Variants in ACACA observed in about 807,000 individuals in gnomAD.
The protein encoded by ACACA is acetyl-CoA carboxylase 1.
ACACA carries 103 observed loss-of-function variants against 296.1 expected under a neutral mutation model. The observed-to-expected ratio is 0.35, with a 90% CI of 0.30 to 0.41. The LOEUF (loss-of-function observed/expected upper bound fraction) is 0.41. ACACA is among the 10% of genes least tolerant of loss of function. ACACA has a pLI of 1.00. For missense variants in ACACA, 1,554 were observed against 2,989.7 expected, an observed-to-expected ratio of 0.52 and a Z score of 11.20; for synonymous variants, 953 against 1,038.6, an observed-to-expected ratio of 0.92 and a Z score of 1.58.
At chr17:37,233,913 A>G (rs954859157) in intron 25 of ACACA, among the ~76,000 whole-genome samples, 1 of 152,164 alleles carries the variant, frequency 6.6e-6, no homozygotes, top group African/African-American at 2.4e-5. Context: ...TCTCCCTATA[A>G]TTACATATTT....
rs116491824 is a variant in ACACA, at chr17:37,244,495, C to T, written c.2742+93G>A. The T allele has an allele frequency of 3.3e-3, 5,006 of 1,502,930 alleles. 145 individuals are homozygous for T. The African/African-American group carries it at 0.061, about 18-fold the overall frequency. 93.1% of individuals were successfully genotyped at this position (1,502,930 alleles called of 1,614,324 possible). On this transcript the variant is annotated intron_variant, in intron 21 of 55. Coordinates refer to ENST00000616317, the MANE Select transcript of ACACA (RefSeq NM_198834.3). ...TTCTAGGCCAAACAGCTTTCTTTTCCTCCCTCTTAAACAATCATTATGAGA... is the reference window on the plus strand; with the variant it reads ...TTCTAGGCCAAACAGCTTTCTTTTCTTCCCTCTTAAACAATCATTATGAGA...
intron 52 of ACACA, among the ~76,000 whole-genome samples, chr17:37,101,157 G>A (rs2142831368): frequency 6.6e-6 from 1 of 151,836 alleles, no homozygotes; most frequent in South Asian, 2.1e-4. Flanking sequence ...ATGCATATGT[G>A]TGTGGAGCAA....
rs1470452 is a variant in ACACA at position 37,121,440 on chromosome 17, C to G, written c.6189G>C (p.Thr2063=). The part of the protein sequence containing the change: ...QVWFPDSAFK[T]YQAIKDFNRE... ...GGTTGAAGTCCTTGATGGCCTGATA[C>G]GTCTTAAACGCAGAATCTGGGAACC... is the stretch of plus-strand genomic sequence containing the variant. The change falls in exon 50 of 56, where the codon ACG becomes ACC. Residue 2063 remains threonine (T), a synonymous_variant. Coordinates refer to ENST00000616317, the MANE Select transcript of ACACA (RefSeq NM_198834.3). 18 of 1,614,012 alleles carry G rather than the reference C, an allele frequency of 1.1e-5. No individual in the cohort carries two copies. The East Asian group carries it at 1.3e-4, about 12-fold the overall frequency.
intron 42 of ACACA, among the ~76,000 whole-genome samples, chr17:37,156,184 C>T (rs1477803061): frequency 1.3e-5 from 2 of 151,690 alleles, no homozygotes; most frequent in Non-Finnish European, 2.9e-5. Context: ...CTGCCTCAGC[C>T]TCCCAAGTAG....
chr17:37,317,467 G>GAGAATCGCTTAGT (rs968404303), intron 3 of ACACA, among the ~76,000 whole-genome samples: 54 of 151,920 alleles, frequency 3.6e-4, no homozygotes, highest in African/African-American at 1.2e-3. Flanking sequence ...TTAGTAGGCT[G>GAGAATCGCTTAGT]AGGCACGAGA....
chr17:37,331,471 C>T (rs760063010), intron 2 of ACACA, among the ~76,000 whole-genome samples: 6 of 151,364 alleles, frequency 4.0e-5, no homozygotes, highest in Non-Finnish European at 7.4e-5. Flanking sequence ...TGCAATGGCA[C>T]GATCTCAGCT....
Position 37,284,824 on chromosome 17 carries a change from A to T in ACACA, c.471+14T>A. 1 of 1,614,154 alleles carries T rather than the reference A, an allele frequency of 6.2e-7. No individual in the cohort carries two copies. The highest frequency in any genetic ancestry group is 2.2e-5 in the East Asian group (1 of 44,880). On this transcript the variant is annotated intron_variant, in intron 4 of 55. Coordinates refer to ENST00000616317, the MANE Select transcript of ACACA (RefSeq NM_198834.3). Reference sequence around the variant, plus strand: ...AGTGCTTTTGACAAAATAATTCAGCAAGTTACAACTTACCTTCTCAATCAC... The same window carrying T: ...AGTGCTTTTGACAAAATAATTCAGCTAGTTACAACTTACCTTCTCAATCAC...
At chr17:37,342,436 A>AATATATATATATAT (rs1295176626) in intron 1 of ACACA, among the ~76,000 whole-genome samples, 19 of 58,214 alleles carry the variant, frequency 3.3e-4, no homozygotes, top group East Asian at 8.3e-4. Context: ...AAAAAAAAAA[A>AATATATATATATAT]ATATATATAT....
At chr17:37,107,646 C>T (rs560066281) in intron 52 of ACACA, among the ~76,000 whole-genome samples, 22 of 152,348 alleles carry the variant, frequency 1.4e-4, no homozygotes, top group East Asian at 9.6e-4. Context: ...GGGCGCAGTG[C>T]GGTGCTGCAT....
At chr17:37,397,323 G>A (rs2051114997) in intron 1 of ACACA, among the ~76,000 whole-genome samples, 1 of 151,868 alleles carries the variant, frequency 6.6e-6, no homozygotes, top group Non-Finnish European at 1.5e-5. Context: ...TCTTCTGCTT[G>A]AAGCCCAGTA....
intron 1 of ACACA, among the ~76,000 whole-genome samples, chr17:37,368,052 G>A (rs187687758): frequency 6.6e-6 from 1 of 152,168 alleles, no homozygotes; most frequent in East Asian, 1.9e-4. Context: ...GGGCAAGACA[G>A]AGTGAGACTC....
At chr17:37,226,226 T>G (rs542133416) in intron 26 of ACACA, 113 bp downstream of exon 26, 8 of 854,958 alleles carry the variant, frequency 9.4e-6, no homozygotes, top group South Asian at 6.6e-5. Flanking sequence ...GTGACACATA[T>G]ATAGAAAATA....
chr17:37,130,582 T>TA (rs1161907520), intron 45 of ACACA, among the ~76,000 whole-genome samples: 1 of 150,906 alleles, frequency 6.6e-6, no homozygotes, highest in Non-Finnish European at 1.5e-5. Context: ...AAAAATAAAA[T>TA]AAAAAATTAA....
chr17:37,142,011 TG>T (rs1309022193), intron 45 of ACACA, among the ~76,000 whole-genome samples: 3 of 140,070 alleles, frequency 2.1e-5, no homozygotes, highest in South Asian at 2.4e-4. Flanking sequence ...TGTTTTTTTT[TG>T]TTTTTTTTTT....
In ACACA at chr17:37,406,471, G is replaced by A. The variant is rs941517267; in HGVS notation, c.-172C>T. On this transcript the variant is annotated 5_prime_UTR_variant, in exon 1 of 56. Transcript: ENST00000616317. ...AGCCCTTCGGGGCCCGGACTGGAGA[G>A]GCGCCACGGCTCGCCGTCCCTGGGC... The A allele has an allele frequency of 3.1e-5, 21 of 667,040 alleles. No homozygotes were observed. The highest frequency in any genetic ancestry group is 4.9e-5 in the Non-Finnish European group (20 of 408,484). 41.3% of individuals were successfully genotyped at this position (667,040 alleles called of 1,614,324 possible).
At chr17:37,399,799 TG>T (rs1446804021) in intron 1 of ACACA, among the ~76,000 whole-genome samples, 1 of 152,214 alleles carries the variant, frequency 6.6e-6, no homozygotes, top group Non-Finnish European at 1.5e-5. Flanking sequence ...TGTTAAATAA[TG>T]AGAGTCAGTT....
At chr17:37,193,288 A>C in intron 36 of ACACA, 86 bp downstream of exon 36, 1 of 1,010,852 alleles carries the variant, frequency 9.9e-7, no homozygotes, top group South Asian at 1.4e-5. Context: ...GAATGGCAAG[A>C]AGAACGTATG....
chr17:37,121,892 A>G (rs1276697062), intron 49 of ACACA, among the ~76,000 whole-genome samples: 3 of 152,188 alleles, frequency 2.0e-5, no homozygotes, highest in Admixed American at 2.0e-4. Context: ...CAAATAGACA[A>G]TTGACGTCAC....
chr17:37,350,656 A>G (rs2048856987), intron 1 of ACACA, among the ~76,000 whole-genome samples: 1 of 152,174 alleles, frequency 6.6e-6, no homozygotes, highest in Admixed American at 6.6e-5. Context: ...CCTGACCAAC[A>G]TGGAGAAACC....
Sources: allele counts gnomAD v4.1 joint callset (sites outside exome capture counted in the v4.1 genomes callset), GRCh38; gene constraint gnomAD v4.1.1; transcripts MANE v1.5; gene names NCBI Gene and HGNC (gene_info 2026-07-23, HGNC 2026-07-21).